ADK: variants seen among roughly 807,000 people sequenced by gnomAD.
ADK encodes the protein N6,N6-dimethyladenosine kinase.
Under a neutral mutation model 44.7 loss-of-function variants are expected in ADK, and 24 were observed. The observed-to-expected ratio is 0.54, with a 90% CI of 0.39 to 0.76. The LOEUF is 0.76. Among genes scored for constraint, ADK ranks in the 30% least tolerant of loss-of-function variants. The pLI is 0.00. For synonymous variants in ADK, 128 were observed against 142.6 expected (o/e 0.90, Z 0.73); for missense variants, 321 against 425.1 (o/e 0.76, Z 2.15).
At chr10:74,205,088 C>A (rs7896152) in intron 2 of ADK, among the ~76,000 whole-genome samples, 107,035 of 144,688 alleles carry the variant, frequency 0.74, 40,107 homozygotes, top group Middle Eastern at 0.85. Flanking sequence ...AGCCAAACCA[C>A]ACCAAAACAA....
intron 8 of ADK, among the ~76,000 whole-genome samples, chr10:74,596,718 G>T (rs765248542): frequency 2.0e-5 from 3 of 151,932 alleles, no homozygotes; most frequent in Admixed American, 6.6e-5. Context: ...GCAAATTTTT[G>T]TATTTTTTTG....
intron 9 of ADK, among the ~76,000 whole-genome samples, chr10:74,603,349 C>T (rs10824211): frequency 0.19 from 28,857 of 151,772 alleles, 3,388 homozygotes; most frequent in African/African-American, 0.33. Context: ...TGGTGGTTTC[C>T]TGCACCTATC....
chr10:74,490,487 A>T (rs985765530), intron 6 of ADK, among the ~76,000 whole-genome samples: 9 of 152,172 alleles, frequency 5.9e-5, no homozygotes, highest in African/African-American at 1.7e-4. Flanking sequence ...GGTAACAGAA[A>T]TACTGTATCA....
intron 1 of ADK, among the ~76,000 whole-genome samples, chr10:74,194,478 T>A (rs1020275766): frequency 6.6e-6 from 1 of 152,210 alleles, no homozygotes; most frequent in African/African-American, 2.4e-5. Flanking sequence ...TATGGTAAGT[T>A]TGAGTAGATT....
At chr10:74,410,242 G>A (rs1459655344) in intron 6 of ADK, among the ~76,000 whole-genome samples, 1 of 151,888 alleles carries the variant, frequency 6.6e-6, no homozygotes, top group East Asian at 1.9e-4. Flanking sequence ...AAAATTTCAT[G>A]CTCAGAATTT....
intron 9 of ADK, among the ~76,000 whole-genome samples, chr10:74,648,539 G>T (rs1471567049): frequency 6.6e-6 from 1 of 151,878 alleles, no homozygotes; most frequent in Non-Finnish European, 1.5e-5. Flanking sequence ...TTCGCTGGGC[G>T]TGGTGGCACA....
intron 4 of ADK, among the ~76,000 whole-genome samples, chr10:74,392,804 A>T (rs1312744069): frequency 6.6e-6 from 1 of 151,252 alleles, no homozygotes; most frequent in Non-Finnish European, 1.5e-5. Flanking sequence ...TTGAGACTTG[A>T]TTTTTTTTTG....
intron 6 of ADK, among the ~76,000 whole-genome samples, chr10:74,444,233 A>G (rs1289294579): frequency 6.6e-6 from 1 of 152,134 alleles, no homozygotes; most frequent in Non-Finnish European, 1.5e-5. Context: ...CTAATTGATT[A>G]TTACTCTTTC....
intron 1 of ADK, among the ~76,000 whole-genome samples, chr10:74,161,263 A>G (rs1004021947): frequency 2.6e-5 from 4 of 152,142 alleles, no homozygotes; most frequent in African/African-American, 4.8e-5. Context: ...GTTCAGTGGC[A>G]TGATCTCGGC....
At chr10:74,486,236 C>T (rs1329973851) in intron 6 of ADK, among the ~76,000 whole-genome samples, 3 of 152,126 alleles carry the variant, frequency 2.0e-5, no homozygotes, top group Non-Finnish European at 2.9e-5. Flanking sequence ...CTCTCTCTCT[C>T]GCCTGCCACC....
At chr10:74,593,189 G>T (rs1218476007) in intron 8 of ADK, among the ~76,000 whole-genome samples, 1 of 152,224 alleles carries the variant, frequency 6.6e-6, no homozygotes, top group African/African-American at 2.4e-5. Context: ...CTGGCTAAGA[G>T]AGTGCAGTGT....
chr10:74,240,392 G>GTGTGTGTGTGTGTGTGTGTC (rs1554833203), intron 3 of ADK, among the ~76,000 whole-genome samples: 1 of 151,600 alleles, frequency 6.6e-6, no homozygotes, highest in South Asian at 2.1e-4. Context: ...GTGTGTGTGT[G>GTGTGTGTGTGTGTGTGTGTC]TGTGTGTGTC....
Position 74,433,215 on chromosome 10 carries a change from G to A in ADK, c.555+34636G>A, listed in dbSNP as rs79840672. Among the ~76,000 whole-genome samples the A allele has an allele frequency of 4.1e-4, 63 of 152,268 alleles. No individual in the cohort carries two copies. In the East Asian group the frequency reaches 0.012, roughly 28 times the overall value. On this transcript the variant is annotated intron_variant, in intron 6 of 10. Coordinates refer to ENST00000539909, the MANE Select transcript of ADK (RefSeq NM_006721.4). ...CATTAAGAAATTTACATACACACCA[G>A]ATTTTAGAGTGCTCATTCATGATGA...
intron 10 of ADK, among the ~76,000 whole-genome samples, chr10:74,697,803 T>C (rs1161531767): frequency 6.6e-6 from 1 of 152,156 alleles, no homozygotes. Flanking sequence ...AATAGACAGC[T>C]TAAGTTAGGA....
chr10:74,607,805 G>A (rs1360474444), intron 9 of ADK, among the ~76,000 whole-genome samples: 1 of 151,984 alleles, frequency 6.6e-6, no homozygotes, highest in African/African-American at 2.4e-5. Context: ...AAGCTTTCTT[G>A]GATAATATTC....
At chr10:74,154,419 C>A (rs534858663) in intron 1 of ADK, among the ~76,000 whole-genome samples, 1 of 152,162 alleles carries the variant, frequency 6.6e-6, no homozygotes, top group African/African-American at 2.4e-5. Flanking sequence ...CAGGCGTACA[C>A]CACTATGCCT....
intron 9 of ADK, among the ~76,000 whole-genome samples, chr10:74,616,572 C>G (rs1353675276): frequency 6.6e-6 from 1 of 152,034 alleles, no homozygotes; most frequent in Non-Finnish European, 1.5e-5. Context: ...ATTTCATTGT[C>G]CTCATTCTCT....
At chr10:74,564,918 A>C (rs999963002) in intron 7 of ADK, among the ~76,000 whole-genome samples, 1 of 152,056 alleles carries the variant, frequency 6.6e-6, no homozygotes, top group African/African-American at 2.4e-5. Flanking sequence ...GTTAAACCAC[A>C]TAATCCCTTA....
At chr10:74,354,829 A>G (rs1301382915) in intron 4 of ADK, among the ~76,000 whole-genome samples, 2 of 152,232 alleles carry the variant, frequency 1.3e-5, no homozygotes, top group Non-Finnish European at 2.9e-5. Flanking sequence ...AAACAGAAAG[A>G]TCAATTAGCA....
Sources: allele counts gnomAD v4.1 joint callset (sites outside exome capture counted in the v4.1 genomes callset), GRCh38; gene constraint gnomAD v4.1.1; transcripts MANE v1.5; gene names NCBI Gene and HGNC (gene_info 2026-07-23, HGNC 2026-07-21).